Variants in MAN1B1 observed in about 807,000 individuals in gnomAD.
MAN1B1 encodes endoplasmic reticulum mannosyl-oligosaccharide 1,2-alpha-mannosidase.
Under a neutral mutation model 75.5 loss-of-function variants are expected in MAN1B1, and 66 were observed. That is an observed-to-expected ratio of 0.87 (90% CI 0.72 to 1.07). The LOEUF is 1.07. MAN1B1 is among the 50% of genes least tolerant of loss of function. The pLI is 0.00. For missense variants in MAN1B1, 973 were observed against 912.5 expected (o/e 1.07, Z -0.85); for synonymous variants, 453 against 382.8 (o/e 1.18, Z -2.14).
chr9:137,101,154 G>GTA lies in MAN1B1; in HGVS notation c.1065+2_1065+3dup. On this transcript the variant is annotated splice_donor_variant, in intron 7 of 12. Transcript: ENST00000371589. LOFTEE classifies it high-confidence loss of function. ...GGACAGCCTCTTCCTGAGGAAAGCTGTAAGTGTCTTGGGGTGTCCTGCAGG... is the reference window on the plus strand; with the variant it reads ...GGACAGCCTCTTCCTGAGGAAAGCTGTATAAGTGTCTTGGGGTGTCCTGCAGG... The GTA allele has an allele frequency of 6.2e-7, 1 of 1,613,800 alleles. No homozygotes were observed.
At chr9:137,106,936 G>A (rs931104725) in intron 10 of MAN1B1, 127 bp downstream of exon 10, 29 of 1,336,764 alleles carry the variant, frequency 2.2e-5, no homozygotes, top group South Asian at 8.3e-5. Flanking sequence ...TGGGTGGACC[G>A]TGGCTGCCTG....
intron 7 of MAN1B1, 69 bp from the exon 8 acceptor site, chr9:137,101,415 G>A: frequency 6.9e-7 from 1 of 1,454,520 alleles, no homozygotes; most frequent in Non-Finnish European, 9.6e-7. Context: ...CCACTGAACT[G>A]CATGAAAGGG....
intron 5 of MAN1B1, 73 bp downstream of exon 5, chr9:137,098,010 C>T (rs889385641): frequency 2.5e-6 from 3 of 1,217,284 alleles, no homozygotes; most frequent in Non-Finnish European, 2.4e-6. Flanking sequence ...GGCTTCGTCT[C>T]AGCCATGGTG....
At chr9:137,088,024 G>A in intron 1 of MAN1B1, 51 bp from the exon 2 acceptor site, 4 of 1,360,490 alleles carry the variant, frequency 2.9e-6, no homozygotes, top group South Asian at 2.3e-5. Flanking sequence ...CAGTTGAGAC[G>A]TTCCGTGTGA....
rs773646212 is a variant in MAN1B1 at position 137,108,369 on chromosome 9, G to C, written c.1897-19G>C. 1 of 1,611,040 alleles carries C rather than the reference G, an allele frequency of 6.2e-7. No individual in the cohort carries two copies. The highest frequency in any genetic ancestry group is 8.5e-7 in the Non-Finnish European group (1 of 1,177,846). On this transcript the variant is annotated intron_variant, in intron 12 of 12. Transcript: ENST00000371589. ...CAGGGTGCCCCCCGTGTGGTGACGA[G>C]GCCCTGGCTGCTGCACAGGTCCCCT...
chr9:137,087,601 C>T (rs544154094), intron 1 of MAN1B1: 27 of 464,974 alleles, frequency 5.8e-5, no homozygotes, highest in African/African-American at 5.1e-4. Context: ...TGATTGGCTC[C>T]TGGTCTGTTC....
chr9:137,089,806 G>C (rs1830472676), intron 3 of MAN1B1, among the ~76,000 whole-genome samples: 1 of 152,120 alleles, frequency 6.6e-6, no homozygotes, highest in Non-Finnish European at 1.5e-5. Context: ...TGAGTCCCCG[G>C]GTGGAGGGGC....
intron 8 of MAN1B1, chr9:137,105,657 C>T (rs1831067360): frequency 9.0e-6 from 3 of 333,668 alleles, no homozygotes; most frequent in South Asian, 7.3e-5. Context: ...CTGAGGGTGG[C>T]TGTGACTTGG....
chr9:137,088,723 G>T, intron 2 of MAN1B1, 146 bp from the exon 3 acceptor site: 1 of 919,480 alleles, frequency 1.1e-6, no homozygotes, highest in East Asian at 2.5e-5. Context: ...ATTCCCTTGG[G>T]ACATTGTTGA....
intron 4 of MAN1B1, 126 bp from the exon 5 acceptor site, chr9:137,097,702 C>A: frequency 2.6e-6 from 2 of 757,062 alleles, no homozygotes; most frequent in South Asian, 1.5e-5. Context: ...GCAGCCTGCA[C>A]CTCAGGATGA....
chr9:137,097,811 T>G lies in MAN1B1; in HGVS notation c.621-17T>G. The G allele has an allele frequency of 2.0e-6, 3 of 1,538,228 alleles. No individual in the cohort carries two copies. The highest frequency in any genetic ancestry group is 2.6e-6 in the Non-Finnish European group (3 of 1,135,438). ...AAATGTTTGACGGCAGCTGACACCC[T>G]TCCTTCTCCCCCGAAGCTGGAGGGG... On this transcript the variant is annotated splice_polypyrimidine_tract_variant and intron_variant, in intron 4 of 12. Coordinates refer to ENST00000371589, the MANE Select transcript of MAN1B1 (RefSeq NM_016219.5).
chr9:137,087,513 C>A (rs750439414), intron 1 of MAN1B1: 1 of 626,794 alleles, frequency 1.6e-6, no homozygotes, highest in Non-Finnish European at 3.0e-6. Flanking sequence ...GGCCCAGGCG[C>A]CTGCCCCTCT....
chr9:137,100,958 TG>T (rs1410075443), intron 6 of MAN1B1, 46 bp from the exon 7 acceptor site: 2 of 1,610,302 alleles, frequency 1.2e-6, no homozygotes, highest in Non-Finnish European at 1.7e-6. Context: ...AGGAAAACGT[TG>T]GAGCCATCCA....
intron 3 of MAN1B1, 21 bp downstream of exon 3, chr9:137,089,026 G>A: frequency 6.2e-7 from 1 of 1,613,808 alleles, no homozygotes; most frequent in Non-Finnish European, 8.5e-7. Context: ...CAAATGGTGT[G>A]GGGTTATAAC....
rs768362646 is a variant in MAN1B1, at chr9:137,107,461, T to C, written c.1764+14T>C. 1 of 1,613,238 alleles carries C rather than the reference T, an allele frequency of 6.2e-7. No individual in the cohort carries two copies. The highest frequency in any genetic ancestry group is 8.5e-7 in the Non-Finnish European group (1 of 1,179,954). On this transcript the variant is annotated intron_variant, in intron 11 of 12. Transcript: ENST00000371589. Reference sequence around the variant, plus strand: ...GTGGAGGTCAAGGTGGGCCTGGGCCTGGGTCAGGGTCCATCAGGAGGAGGG... The same window carrying C: ...GTGGAGGTCAAGGTGGGCCTGGGCCCGGGTCAGGGTCCATCAGGAGGAGGG...
At chr9:137,097,355 T>C (rs1053022085) in intron 4 of MAN1B1, among the ~76,000 whole-genome samples, 9 of 152,156 alleles carry the variant, frequency 5.9e-5, no homozygotes, top group Admixed American at 4.6e-4. Flanking sequence ...CGGCAAACCC[T>C]CTACACAACC....
chr9:137,096,388 T>G lies in MAN1B1; in HGVS notation c.617T>G (p.Ile206Ser). 1 of 1,613,518 alleles carries G rather than the reference T, an allele frequency of 6.2e-7. No individual in the cohort carries two copies. The highest frequency in any genetic ancestry group is 8.5e-7 in the Non-Finnish European group (1 of 1,179,882). ...RPEGDPQRTV[I>S]SWRGAVIEPE... ...GAAGGAGATCCGCAGAGGACAGTCA[T>G]CAGGTACAGAGCGCAGGGCAGGCTG... The change falls in exon 4 of 13, where the codon ATC (isoleucine) becomes AGC (serine). Residue 206 changes from isoleucine (I) to serine (S), a missense_variant. Ile to Ser is a moderately radical substitution (Grantham distance 142). Transcript: ENST00000371589.
chr9:137,101,820 A>G (rs1340700129), intron 8 of MAN1B1, 148 bp downstream of exon 8: 1 of 995,058 alleles, frequency 1.0e-6, no homozygotes, highest in African/African-American at 1.6e-5. Flanking sequence ...CACCTTAACC[A>G]TTTCCAGGCG....
rs139492183 is a variant in MAN1B1 at position 137,101,361 on chromosome 9, C to G, written c.1066-123C>G. The G allele has an allele frequency of 7.1e-4, 801 of 1,125,786 alleles. 8 individuals are homozygous for G. The African/African-American group carries it at 9.8e-3, about 14-fold the overall frequency. The allele number at this position is 1,125,786 out of a possible 1,614,324, so 69.7% of individuals were successfully genotyped here. ...CATTCACTCAGTGCAGAGTGATGCC[C>G]GTTTCCTTGCTGCTGTGTTGACCCC... On this transcript the variant is annotated intron_variant, in intron 7 of 12. Coordinates refer to ENST00000371589, the MANE Select transcript of MAN1B1 (RefSeq NM_016219.5).
Sources: allele counts gnomAD v4.1 joint callset (sites outside exome capture counted in the v4.1 genomes callset), GRCh38; gene constraint gnomAD v4.1.1; transcripts MANE v1.5; gene names NCBI Gene and HGNC (gene_info 2026-07-23, HGNC 2026-07-21).